The following THRB variants were observed in gnomAD, a reference collection of about 807,000 sequenced individuals.
THRB encodes thyroid hormone receptor beta, also known as nuclear receptor subfamily 1 group A member 2.
THRB carries 12 observed loss-of-function variants against 47.8 expected under a neutral mutation model. The observed-to-expected ratio is 0.25, with a 90% confidence interval of 0.16 to 0.41. The LOEUF is 0.41. THRB is among the 10% of genes least tolerant of loss of function. The pLI, the probability that THRB is intolerant of heterozygous loss-of-function variation, is 1.00. For synonymous variants in THRB, 218 were observed against 212.2 expected (o/e 1.03, Z -0.24); for missense variants, 348 against 589.2 (o/e 0.59, Z 4.24).
intron 4 of THRB, among the ~76,000 whole-genome samples, chr3:24,200,871 T>C (rs2044513553): frequency 6.6e-6 from 1 of 152,194 alleles, no homozygotes; most frequent in Admixed American, 6.5e-5. Context: ...GCTTTTGGGA[T>C]ATTTTCAGGT....
At chr3:24,413,160 T>C (rs1231995183) in intron 1 of THRB, among the ~76,000 whole-genome samples, 1 of 151,894 alleles carries the variant, frequency 6.6e-6, no homozygotes, top group Non-Finnish European at 1.5e-5. Context: ...CAATATTATT[T>C]TAAATAGTCA....
At chr3:24,464,238 C>T (rs1484999935) in intron 1 of THRB, among the ~76,000 whole-genome samples, 3 of 145,130 alleles carry the variant, frequency 2.1e-5, no homozygotes, top group South Asian at 2.2e-4. Flanking sequence ...AGTGAGACTC[C>T]GTCTCAAAAA....
chr3:24,234,534 A>T (rs2048672374), intron 3 of THRB, among the ~76,000 whole-genome samples: 1 of 152,160 alleles, frequency 6.6e-6, no homozygotes, highest in Non-Finnish European at 1.5e-5. Context: ...CAACCCAAGG[A>T]TCTGTCTAGG....
At chr3:24,451,526 C>T (rs950519779) in intron 1 of THRB, among the ~76,000 whole-genome samples, 4 of 152,176 alleles carry the variant, frequency 2.6e-5, no homozygotes, top group Admixed American at 1.3e-4. Flanking sequence ...TGAGCCACCA[C>T]GCCCGGCCTA....
chr3:24,465,955 CTAGAGA>C (rs1461753671), intron 1 of THRB, among the ~76,000 whole-genome samples: 1 of 152,112 alleles, frequency 6.6e-6, no homozygotes, highest in Middle Eastern at 3.4e-3. Context: ...TTCTTCCTTC[CTAGAGA>C]TAATCACTCT....
chr3:24,335,418 A>G (rs1048508970), intron 2 of THRB, among the ~76,000 whole-genome samples: 3 of 152,222 alleles, frequency 2.0e-5, no homozygotes, highest in African/African-American at 7.2e-5. Context: ...TGGATCCAAT[A>G]AACAGCCCAC....
chr3:24,236,971 G>A lies in THRB; in HGVS notation c.-42-7970C>T, dbSNP rs912754922. ...GTGTTTTCAAATCATACCACGCTGTGATCCACCTTTTGTATTCAGTAAAAC... is the reference window on the plus strand; with the variant it reads ...GTGTTTTCAAATCATACCACGCTGTAATCCACCTTTTGTATTCAGTAAAAC... On this transcript the variant is annotated intron_variant, in intron 3 of 10. Transcript: ENST00000646209. Among the ~76,000 whole-genome samples the A allele has an allele frequency of 3.9e-5, 6 of 152,296 alleles. No individual in the cohort carries two copies. The East Asian group carries it at 5.8e-4, about 15-fold the overall frequency.
intron 3 of THRB, among the ~76,000 whole-genome samples, chr3:24,230,750 T>G (rs1180183808): frequency 1.3e-5 from 2 of 152,190 alleles, no homozygotes. Flanking sequence ...GTGGAGGAAC[T>G]TGGCTTGGAC....
intron 1 of THRB, among the ~76,000 whole-genome samples, chr3:24,404,556 C>A (rs1401188356): frequency 6.6e-6 from 1 of 151,834 alleles, no homozygotes; most frequent in African/African-American, 2.4e-5. Flanking sequence ...GCCAGACATG[C>A]AAAATTGTAA....
rs79358890 is a variant in THRB, at chr3:24,238,284, G to C, written c.-42-9283C>G. ...GTGTATGTGTGTGTGTGTGTGGGGGGGGGGGGGGTGTGTGGGGTGTGTGTG... is the reference window on the plus strand; with the variant it reads ...GTGTATGTGTGTGTGTGTGTGGGGGCGGGGGGGGTGTGTGGGGTGTGTGTG... On this transcript the variant is annotated intron_variant, in intron 3 of 10. Coordinates refer to ENST00000646209, the MANE Select transcript of THRB (RefSeq NM_001354712.2). Among the ~76,000 whole-genome samples, 16 of 136,050 alleles carry C rather than the reference G, an allele frequency of 1.2e-4. 1 individual carries two copies. The South Asian group carries it at 1.8e-3, about 16-fold the overall frequency. 89.3% of individuals were successfully genotyped at this position (136,050 alleles called of 152,430 possible).
intron 1 of THRB, among the ~76,000 whole-genome samples, chr3:24,447,643 A>C (rs2072228527): frequency 1.3e-5 from 2 of 152,124 alleles, no homozygotes; most frequent in African/African-American, 4.8e-5. Flanking sequence ...TGGAAATTTA[A>C]AGTACTATAT....
At chr3:24,339,636 C>T (rs921217114) in intron 1 of THRB, among the ~76,000 whole-genome samples, 4 of 151,988 alleles carry the variant, frequency 2.6e-5, no homozygotes, top group Non-Finnish European at 5.9e-5. Flanking sequence ...TGCCTCCAAC[C>T]GAGAACAAAC....
At chr3:24,226,562 C>G (rs2047674876) in intron 4 of THRB, among the ~76,000 whole-genome samples, 1 of 152,216 alleles carries the variant, frequency 6.6e-6, no homozygotes, top group Non-Finnish European at 1.5e-5. Flanking sequence ...AGCTGGGGTT[C>G]TGGCTCAGTC....
intron 4 of THRB, among the ~76,000 whole-genome samples, chr3:24,211,401 C>A (rs929398904): frequency 2.0e-5 from 3 of 152,170 alleles, no homozygotes; most frequent in African/African-American, 4.8e-5. Flanking sequence ...CCTGTTCCCT[C>A]AACAAACCTT....
chr3:24,120,404 G>T lies in THRB; in HGVS notation c.*2480C>A, dbSNP rs1019911262. The stretch of plus-strand genomic sequence containing the variant: ...TACTATTTGGCCAATTCTCGATCAT[G>T]GTTAGTCCCCAAAGCATTCTGATTT... On this transcript the variant is annotated 3_prime_UTR_variant, in exon 11 of 11. Coordinates refer to ENST00000646209, the MANE Select transcript of THRB (RefSeq NM_001354712.2). 4.6e-5 allele frequency: 7 copies of T among 152,224 alleles called. No homozygotes were observed. Among genetic ancestry groups the T allele is most frequent in the African/African-American group, 1.4e-4 (6 of 41,458 alleles). The allele number at this position is 152,224 out of a possible 1,614,324, so 9.4% of individuals were successfully genotyped here.
intron 3 of THRB, among the ~76,000 whole-genome samples, chr3:24,275,668 A>G (rs2053846423): frequency 6.6e-6 from 1 of 152,074 alleles, no homozygotes; most frequent in Non-Finnish European, 1.5e-5. Flanking sequence ...GGTTTTTGAG[A>G]GCCATCCAAC....
At chr3:24,236,385 C>G (rs6781660) in intron 3 of THRB, among the ~76,000 whole-genome samples, 93,903 of 151,958 alleles carry the variant, frequency 0.62, 29,533 homozygotes, top group South Asian at 0.71. Context: ...AGGACCAAAG[C>G]AATTGGAAAA....
intron 1 of THRB, among the ~76,000 whole-genome samples, chr3:24,443,498 C>T (rs553832401): frequency 6.6e-6 from 1 of 152,010 alleles, no homozygotes; most frequent in African/African-American, 2.4e-5. Flanking sequence ...GATATCAAAA[C>T]TAATAAGATA....
chr3:24,204,785 T>C (rs1287475233), intron 4 of THRB, among the ~76,000 whole-genome samples: 9 of 152,082 alleles, frequency 5.9e-5, no homozygotes, highest in Non-Finnish European at 1.0e-4. Context: ...TAACTACAAT[T>C]ACCAGTGTAG....
Sources: gnomAD v4.1 joint callset for allele counts (sites outside exome capture counted in the v4.1 genomes callset) on GRCh38, gnomAD v4.1.1 for gene constraint, MANE v1.5 for transcripts, NCBI Gene and HGNC (gene_info 2026-07-23, HGNC 2026-07-21) for gene names.